The following TASP1 variants were observed in gnomAD, a reference collection of about 807,000 sequenced individuals.
The protein encoded by TASP1 is threonine aspartase 1.
Under a neutral mutation model 56.6 loss-of-function variants are expected in TASP1, and 16 were observed. The observed-to-expected ratio is 0.28, with a 90% CI of 0.19 to 0.43. TASP1 has a LOEUF of 0.43. TASP1 is among the 20% of genes least tolerant of loss of function. The pLI is 1.00. For synonymous variants in TASP1, 179 were observed against 184.2 expected (o/e 0.97, Z 0.23); for missense variants, 393 against 511.6 (o/e 0.77, Z 2.24).
intron 10 of TASP1, among the ~76,000 whole-genome samples, chr20:13,496,096 C>T (rs953895334): frequency 3.3e-5 from 5 of 152,052 alleles, no homozygotes; most frequent in African/African-American, 9.7e-5. Flanking sequence ...CTCTGTCACC[C>T]AGGCTGGAGT....
the TASP1 span, among the ~76,000 whole-genome samples, chr20:13,301,346 G>C: frequency 6.6e-6 from 1 of 152,070 alleles, no homozygotes; most frequent in Non-Finnish European, 1.5e-5. Context: ...GTGCCACCAC[G>C]CCTGGCTAAC....
the TASP1 span, among the ~76,000 whole-genome samples, chr20:13,153,159 C>T: frequency 6.6e-6 from 1 of 152,220 alleles, no homozygotes; most frequent in Non-Finnish European, 1.5e-5. Context: ...CACTATCTAG[C>T]TTTGGCTGGC....
At chr20:13,592,755 T>C (rs1049361780) in intron 4 of TASP1, among the ~76,000 whole-genome samples, 36 of 152,154 alleles carry the variant, frequency 2.4e-4, no homozygotes, top group African/African-American at 7.7e-4. Context: ...ATACTTTGGA[T>C]ATGACATGCT....
the TASP1 span, chr20:13,168,855 T>A: frequency 6.6e-6 from 1 of 152,152 alleles, no homozygotes; most frequent in African/African-American, 2.4e-5. Flanking sequence ...CTCAGCTGCA[T>A]AATGTTTAGA....
chr20:13,234,645 TTC>T, the TASP1 span, among the ~76,000 whole-genome samples: 19 of 152,386 alleles, frequency 1.2e-4, no homozygotes, highest in African/African-American at 4.3e-4. Context: ...ACAATAGCTA[TTC>T]TGACTTGTGT....
chr20:13,618,034 G>A (rs1218231321), intron 4 of TASP1, among the ~76,000 whole-genome samples: 1 of 151,944 alleles, frequency 6.6e-6, no homozygotes, highest in Non-Finnish European at 1.5e-5. Context: ...CTGCACAAGA[G>A]GCCTGGGCTG....
intron 10 of TASP1, among the ~76,000 whole-genome samples, chr20:13,501,375 G>A (rs1323447290): frequency 6.6e-6 from 1 of 151,860 alleles, no homozygotes; most frequent in African/African-American, 2.4e-5. Context: ...AAAGACAACT[G>A]AATATCTAAC....
intron 11 of TASP1, among the ~76,000 whole-genome samples, chr20:13,471,131 G>A (rs937386963): frequency 3.9e-5 from 6 of 152,164 alleles, no homozygotes; most frequent in African/African-American, 9.7e-5. Flanking sequence ...AATCAAGAAG[G>A]GTTAAATAGA....
At chr20:13,510,928 G>A (rs1376812696) in intron 10 of TASP1, among the ~76,000 whole-genome samples, 2 of 151,956 alleles carry the variant, frequency 1.3e-5, no homozygotes, top group Non-Finnish European at 2.9e-5. Context: ...GGATACCGGT[G>A]GCCACCACCT....
chr20:13,437,084 A>T (rs1465749294), intron 11 of TASP1, among the ~76,000 whole-genome samples: 2 of 152,132 alleles, frequency 1.3e-5, no homozygotes, highest in Non-Finnish European at 2.9e-5. Context: ...AATATCCCTG[A>T]TGAACATCGA....
chr20:13,232,912 GA>G, the TASP1 span, among the ~76,000 whole-genome samples: 1 of 152,100 alleles, frequency 6.6e-6, no homozygotes, highest in Non-Finnish European at 1.5e-5. Flanking sequence ...TTTCTTTTCA[GA>G]ATGCCCAAAG....
the TASP1 span, among the ~76,000 whole-genome samples, chr20:13,243,736 G>A: frequency 6.6e-6 from 1 of 152,104 alleles, no homozygotes. Context: ...ATCCATCACC[G>A]TTAAGCATCT....
intron 4 of TASP1, among the ~76,000 whole-genome samples, chr20:13,615,373 G>A (rs1174211296): frequency 1.3e-5 from 2 of 152,040 alleles, no homozygotes; most frequent in Non-Finnish European, 1.5e-5. Context: ...TCTGTCAAAT[G>A]TCTAAGATTC....
chr20:13,437,802 G>C (rs911393252), intron 11 of TASP1, among the ~76,000 whole-genome samples: 17 of 152,162 alleles, frequency 1.1e-4, no homozygotes, highest in African/African-American at 4.1e-4. Flanking sequence ...CAACTTACAA[G>C]GGACGTGAAG....
chr20:13,161,333 G>A, the TASP1 span, among the ~76,000 whole-genome samples: 249 of 152,264 alleles, frequency 1.6e-3, no homozygotes, highest in African/African-American at 5.8e-3. Flanking sequence ...GAGACTATGT[G>A]TCCATGGTCC....
chr20:13,425,782 G>T (rs1193355359), intron 12 of TASP1, among the ~76,000 whole-genome samples: 1 of 152,020 alleles, frequency 6.6e-6, no homozygotes, highest in African/African-American at 2.4e-5. Context: ...GCCCCTGGTT[G>T]TTAGGGTCTT....
At chr20:13,365,707 C>T in the TASP1 span, among the ~76,000 whole-genome samples, 4 of 152,132 alleles carry the variant, frequency 2.6e-5, no homozygotes, top group Non-Finnish European at 5.9e-5. Context: ...CACAGGGCCC[C>T]GGGCCATGGA....
At chr20:13,259,369 T>G in the TASP1 span, among the ~76,000 whole-genome samples, 1 of 152,144 alleles carries the variant, frequency 6.6e-6, no homozygotes, top group Non-Finnish European at 1.5e-5. Flanking sequence ...TCCCACTTTC[T>G]ACTTTGCATT....
At chr20:13,362,847 C>T in the TASP1 span, among the ~76,000 whole-genome samples, 2 of 91,460 alleles carry the variant, frequency 2.2e-5, no homozygotes, top group East Asian at 2.6e-4. Context: ...ATTTGTCTCT[C>T]CCCCTGTTTC....
Sources: allele counts gnomAD v4.1 joint callset (sites outside exome capture counted in the v4.1 genomes callset), GRCh38; gene constraint gnomAD v4.1.1; transcripts MANE v1.5; gene names NCBI Gene and HGNC (gene_info 2026-07-23, HGNC 2026-07-21).